CDH4: variants seen among roughly 807,000 people sequenced by gnomAD.
CDH4 encodes cadherin 4.
In CDH4, 33 loss-of-function variants were observed where a neutral mutation model predicts 86.0. That is an observed-to-expected ratio of 0.38 (90% CI 0.29 to 0.51). The LOEUF (loss-of-function observed/expected upper bound fraction) is 0.51. CDH4 is among the 20% of genes least tolerant of loss of function. CDH4 has a pLI of 0.86. For missense variants in CDH4, 1,114 were observed against 1,307.4 expected (o/e 0.85, Z 2.28); for synonymous variants, 555 against 549.4 (o/e 1.01, Z -0.14).
At chr20:61,490,328 A>G (rs1249144828) in intron 2 of CDH4, among the ~76,000 whole-genome samples, 1 of 152,134 alleles carries the variant, frequency 6.6e-6, no homozygotes, top group Non-Finnish European at 1.5e-5. Flanking sequence ...AAACACACGA[A>G]GCGGAAGGGG....
At chr20:61,775,174 G>T (rs1416031325) in intron 4 of CDH4, among the ~76,000 whole-genome samples, 9 of 152,098 alleles carry the variant, frequency 5.9e-5, no homozygotes, top group Non-Finnish European at 2.9e-5. Flanking sequence ...GCTAAAAGCT[G>T]ACTGTAGAGA....
intron 2 of CDH4, among the ~76,000 whole-genome samples, chr20:61,697,833 C>T (rs1018454582): frequency 6.6e-6 from 1 of 152,234 alleles, no homozygotes; most frequent in African/African-American, 2.4e-5. Context: ...CTGGAAGGTC[C>T]TCACCTGTCC....
chr20:61,455,397 T>C (rs1335362465), intron 2 of CDH4, among the ~76,000 whole-genome samples: 2 of 152,142 alleles, frequency 1.3e-5, no homozygotes, highest in African/African-American at 4.8e-5. Context: ...GCCTGTGGGT[T>C]GTGTGATTCT....
rs1568689118 is a variant in CDH4, at chr20:61,565,339, A to ATGGTG, written c.170-178224_170-178223insTGGTG. On this transcript the variant is annotated intron_variant, in intron 2 of 15. Transcript: ENST00000614565. Reference sequence around the variant, plus strand: ...TGGCGGTGCTCTTGGTGATGGTGGTAGTGGTCCTCTTGGTGATGGGGTGAT... The same window carrying ATGGTG: ...TGGCGGTGCTCTTGGTGATGGTGGTATGGTGGTGGTCCTCTTGGTGATGGGGTGAT... Among the ~76,000 whole-genome samples, 6 of 8,962 alleles carry ATGGTG rather than the reference A, an allele frequency of 6.7e-4. 2 individuals are homozygous for ATGGTG. In the East Asian group the frequency reaches 0.015, roughly 22 times the overall value. The allele number at this position is 8,962 out of a possible 152,430, so 5.9% of individuals were successfully genotyped here.
intron 2 of CDH4, among the ~76,000 whole-genome samples, chr20:61,308,877 G>A (rs755227817): frequency 6.6e-6 from 1 of 152,184 alleles, no homozygotes; most frequent in African/African-American, 2.4e-5. Flanking sequence ...CTGATCAAAG[G>A]GCTGGGCTAT....
chr20:61,603,246 GAAGTC>G (rs1210977492), intron 2 of CDH4, among the ~76,000 whole-genome samples: 1 of 152,190 alleles, frequency 6.6e-6, no homozygotes, highest in Non-Finnish European at 1.5e-5. Flanking sequence ...GACAGATAGG[GAAGTC>G]AAGTCCGTGG....
intron 5 of CDH4, among the ~76,000 whole-genome samples, chr20:61,850,293 C>T (rs1207631089): frequency 2.0e-5 from 3 of 152,226 alleles, no homozygotes; most frequent in South Asian, 2.1e-4. Flanking sequence ...TTGGAGTTAA[C>T]GTGTGTAGGG....
chr20:61,560,359 C>G (rs904663952), intron 2 of CDH4, among the ~76,000 whole-genome samples: 1 of 152,206 alleles, frequency 6.6e-6, no homozygotes, highest in African/African-American at 2.4e-5. Flanking sequence ...TAGAGCCAAA[C>G]CTAGCAAATA....
chr20:61,640,569 G>A (rs2086995824), intron 2 of CDH4, among the ~76,000 whole-genome samples: 1 of 152,178 alleles, frequency 6.6e-6, no homozygotes, highest in Non-Finnish European at 1.5e-5. Context: ...ACCATGATGA[G>A]ACAGGTAAAA....
At chr20:61,677,520 AAC>A (rs1395654930) in intron 2 of CDH4, among the ~76,000 whole-genome samples, 4 of 152,214 alleles carry the variant, frequency 2.6e-5, no homozygotes, top group African/African-American at 9.7e-5. Context: ...TAAACAAAAA[AAC>A]ACAGCACTTT....
At chr20:61,616,860 C>G (rs890617414) in intron 2 of CDH4, among the ~76,000 whole-genome samples, 2 of 152,190 alleles carry the variant, frequency 1.3e-5, no homozygotes, top group Non-Finnish European at 2.9e-5. Context: ...GCACGTAGAC[C>G]TGGTCAGGGT....
chr20:61,408,396 C>G (rs1326709368), intron 2 of CDH4, among the ~76,000 whole-genome samples: 8 of 152,110 alleles, frequency 5.3e-5, no homozygotes, highest in Admixed American at 2.0e-4. Flanking sequence ...TGGCCATGCT[C>G]TAGATCTGGA....
chr20:61,817,322 C>T (rs1980769503), intron 4 of CDH4, among the ~76,000 whole-genome samples: 1 of 152,122 alleles, frequency 6.6e-6, no homozygotes. Context: ...GCTCTCACCT[C>T]TGTGCCTTGC....
intron 3 of CDH4, among the ~76,000 whole-genome samples, chr20:61,748,694 CAA>C (rs938301377): frequency 1.3e-5 from 2 of 151,960 alleles, no homozygotes; most frequent in African/African-American, 4.8e-5. Context: ...TAAATGGAAT[CAA>C]AGAGATAGAA....
intron 7 of CDH4, among the ~76,000 whole-genome samples, chr20:61,874,491 C>A (rs1400695072): frequency 6.6e-6 from 1 of 152,210 alleles, no homozygotes; most frequent in African/African-American, 2.4e-5. Context: ...TCCCTCCACC[C>A]CTTCATCTCA....
At chr20:61,918,192 C>T (rs1035728020) in intron 9 of CDH4, among the ~76,000 whole-genome samples, 1 of 152,196 alleles carries the variant, frequency 6.6e-6, no homozygotes, top group Admixed American at 6.5e-5. Flanking sequence ...GACAGAGGGA[C>T]CAAGGCCAGA....
At chr20:61,380,538 T>G (rs1389989554) in intron 2 of CDH4, among the ~76,000 whole-genome samples, 1 of 98,796 alleles carries the variant, frequency 1.0e-5, no homozygotes, top group Non-Finnish European at 2.2e-5. Context: ...CCCTGCCCCC[T>G]CCCACCTGTT....
At chr20:61,265,197 A>G (rs2084150987) in intron 2 of CDH4, among the ~76,000 whole-genome samples, 1 of 146,852 alleles carries the variant, frequency 6.8e-6, no homozygotes, top group Non-Finnish European at 1.5e-5. Flanking sequence ...TGGCTCCTTC[A>G]TTCAATCTTA....
chr20:61,553,102 A>C (rs1173372457), intron 2 of CDH4, among the ~76,000 whole-genome samples: 1 of 152,250 alleles, frequency 6.6e-6, no homozygotes, highest in Non-Finnish European at 1.5e-5. Context: ...ATATTCAGCC[A>C]TATAAAGGAA....
Sources: allele counts gnomAD v4.1 joint callset (sites outside exome capture counted in the v4.1 genomes callset), GRCh38; gene constraint gnomAD v4.1.1; transcripts MANE v1.5; gene names NCBI Gene and HGNC (gene_info 2026-07-23, HGNC 2026-07-21).